The following CDC42SE2 variants were observed in gnomAD, a reference collection of about 807,000 sequenced individuals.
CDC42SE2 encodes the protein CDC42 small effector 2.
In CDC42SE2, 3 loss-of-function variants were observed where a neutral mutation model predicts 11.5. The ratio of observed to expected loss-of-function variants is 0.26; its 90% confidence interval spans 0.12 to 0.67. The LOEUF is 0.67. Among genes scored for constraint, CDC42SE2 ranks in the 30% least tolerant of loss-of-function variants. CDC42SE2 has a pLI of 0.80. For synonymous variants in CDC42SE2, 33 were observed against 34.8 expected, an observed-to-expected ratio of 0.95 and a Z score of 0.18; for missense variants, 82 against 106.8, an observed-to-expected ratio of 0.77 and a Z score of 1.02.
rs565947092 is a variant in CDC42SE2, at chr5:131,312,835, C to T, written c.-454-3141C>T. 8.5e-5 allele frequency among the ~76,000 whole-genome samples: 13 copies of T among 152,294 alleles called. 1 individual carries two copies. In the South Asian group the frequency reaches 2.3e-3, roughly 27 times the overall value. ...GTGCGCACCCACTGACCTGCGCCCA[C>T]GATCTGGCTCTCCCTAGTGAGATGA... is the stretch of plus-strand genomic sequence containing the variant. On this transcript the variant is annotated intron_variant, in intron 1 of 4. Transcript: ENST00000505065.
At chr5:131,298,697 A>G (rs1392544343) in intron 1 of CDC42SE2, among the ~76,000 whole-genome samples, 3 of 151,936 alleles carry the variant, frequency 2.0e-5, no homozygotes, top group Non-Finnish European at 2.9e-5. Flanking sequence ...GTACCCCATA[A>G]CAAGTTGGCT....
chr5:131,287,674 A>G (rs189268946), intron 1 of CDC42SE2, among the ~76,000 whole-genome samples: 2 of 151,362 alleles, frequency 1.3e-5, no homozygotes, highest in East Asian at 2.0e-4. Context: ...GGGCTCCGCC[A>G]TGTTGCCCAG....
chr5:131,234,004 C>T, the CDC42SE2 span, among the ~76,000 whole-genome samples: 1 of 152,102 alleles, frequency 6.6e-6, no homozygotes, highest in Non-Finnish European at 1.5e-5. Flanking sequence ...TCTTTCCTTA[C>T]CTGCTCTTAC....
the CDC42SE2 span, among the ~76,000 whole-genome samples, chr5:131,231,290 T>C: frequency 6.6e-6 from 1 of 152,250 alleles, no homozygotes; most frequent in Non-Finnish European, 1.5e-5. Flanking sequence ...TTTTTCTTTT[T>C]GAATCTGTTT....
At chr5:131,302,468 C>T (rs574042426) in intron 1 of CDC42SE2, among the ~76,000 whole-genome samples, 78 of 152,268 alleles carry the variant, frequency 5.1e-4, no homozygotes, top group African/African-American at 6.5e-4. Flanking sequence ...TGTGAGCCAC[C>T]GTGCCCAGCC....
intron 1 of CDC42SE2, among the ~76,000 whole-genome samples, chr5:131,252,315 C>A (rs6895586): frequency 0.77 from 117,265 of 152,104 alleles, 45,611 homozygotes; most frequent in African/African-American, 0.83. Flanking sequence ...TCATTAGTAC[C>A]TTTTGTCCTC....
At chr5:131,387,962 C>T (rs1750535523) in intron 4 of CDC42SE2, among the ~76,000 whole-genome samples, 1 of 152,158 alleles carries the variant, frequency 6.6e-6, no homozygotes, top group Non-Finnish European at 1.5e-5. Flanking sequence ...TGTCACAGAG[C>T]ACTGTGTTCT....
intron 2 of CDC42SE2, among the ~76,000 whole-genome samples, chr5:131,344,839 T>C (rs2149756185): frequency 6.6e-6 from 1 of 152,324 alleles, no homozygotes; most frequent in South Asian, 2.1e-4. Flanking sequence ...TTTGCCATTA[T>C]GCAATATTTG....
chr5:131,235,102 G>A, the CDC42SE2 span, among the ~76,000 whole-genome samples: 1 of 151,886 alleles, frequency 6.6e-6, no homozygotes, highest in African/African-American at 2.4e-5. Flanking sequence ...TGTTGGCCAT[G>A]CTGTTCTCAA....
chr5:131,368,802 A>AT (rs1332871975), intron 3 of CDC42SE2, among the ~76,000 whole-genome samples: 1 of 152,210 alleles, frequency 6.6e-6, no homozygotes, highest in Non-Finnish European at 1.5e-5. Flanking sequence ...CTGAGACATT[A>AT]TATCATTTTG....
At chr5:131,331,888 C>T (rs1423509433) in intron 2 of CDC42SE2, among the ~76,000 whole-genome samples, 1 of 152,172 alleles carries the variant, frequency 6.6e-6, no homozygotes, top group African/African-American at 2.4e-5. Context: ...TCAAATACCA[C>T]ATTTAAAAAC....
chr5:131,234,669 A>G, the CDC42SE2 span, among the ~76,000 whole-genome samples: 1 of 151,750 alleles, frequency 6.6e-6, no homozygotes, highest in African/African-American at 2.4e-5. Context: ...AAAAATAGAT[A>G]GATAGATAAA....
At chr5:131,215,103 T>G in the CDC42SE2 span, among the ~76,000 whole-genome samples, 6,910 of 152,144 alleles carry the variant, frequency 0.045, 391 homozygotes, top group African/African-American at 0.13. Flanking sequence ...CAAGCTGAGA[T>G]TCAAGGTGAG....
chr5:131,374,905 C>A (rs1750108662), intron 3 of CDC42SE2, among the ~76,000 whole-genome samples: 1 of 151,976 alleles, frequency 6.6e-6, no homozygotes, highest in African/African-American at 2.4e-5. Flanking sequence ...TGTATACATA[C>A]AGTGTATAGA....
chr5:131,371,466 A>G (rs958894902), intron 3 of CDC42SE2, among the ~76,000 whole-genome samples: 2 of 152,180 alleles, frequency 1.3e-5, no homozygotes, highest in Non-Finnish European at 2.9e-5. Context: ...TAGTTTCTTG[A>G]AAAGGTGTTA....
the CDC42SE2 span, among the ~76,000 whole-genome samples, chr5:131,218,743 T>G: frequency 6.6e-6 from 1 of 152,174 alleles, no homozygotes; most frequent in Non-Finnish European, 1.5e-5. Flanking sequence ...GCGGTTATCC[T>G]TGTTGTTGGG....
At chr5:131,317,147 C>G (rs904241416) in intron 2 of CDC42SE2, among the ~76,000 whole-genome samples, 4 of 152,070 alleles carry the variant, frequency 2.6e-5, no homozygotes, top group Admixed American at 6.6e-5. Context: ...TTTACCCACA[C>G]TGCTTCCCTC....
chr5:131,263,823 A>G (rs1399608343), upstream of CDC42SE2: 1 of 152,166 alleles, frequency 6.6e-6, no homozygotes, highest in Non-Finnish European at 1.5e-5. Context: ...TCCGTTAGCT[A>G]CAGAGGCCAA....
chr5:131,333,475 TGAAAG>T (rs1338206057), intron 2 of CDC42SE2, among the ~76,000 whole-genome samples: 2 of 152,268 alleles, frequency 1.3e-5, no homozygotes, highest in East Asian at 1.9e-4. Context: ...CATATGAACT[TGAAAG>T]TAGTTTTTTC....
Sources: allele counts gnomAD v4.1 joint callset (sites outside exome capture counted in the v4.1 genomes callset), GRCh38; gene constraint gnomAD v4.1.1; transcripts MANE v1.5; gene names NCBI Gene and HGNC (gene_info 2026-07-23, HGNC 2026-07-21).